The following ASXL3 variants were observed in gnomAD, a reference collection of about 807,000 sequenced individuals.
The protein encoded by ASXL3 is putative Polycomb group protein ASXL3.
In ASXL3, 34 loss-of-function variants were observed where a neutral mutation model predicts 170.6. The observed-to-expected ratio is 0.20, with a 90% CI of 0.15 to 0.27. ASXL3 has a LOEUF of 0.27. Among genes scored for constraint, ASXL3 ranks in the 10% least tolerant of loss-of-function variants. The pLI, the probability that ASXL3 is intolerant of heterozygous loss-of-function variation, is 1.00. For missense variants in ASXL3, 2,592 were observed against 2,695.3 expected, an observed-to-expected ratio of 0.96 and a Z score of 0.85; for synonymous variants, 1,002 against 989.1, an observed-to-expected ratio of 1.01 and a Z score of -0.24.
In ASXL3 at chr18:33,749,615, T is replaced by A. The variant is rs1317831879; in HGVS notation, c.*3020T>A. 2 of 152,158 alleles carry A rather than the reference T, an allele frequency of 1.3e-5. No individual in the cohort carries two copies. Among genetic ancestry groups the A allele is most frequent in the South Asian group, 2.1e-4 (1 of 4,826 alleles). 9.4% of individuals were successfully genotyped at this position (152,158 alleles called of 1,614,324 possible). A position where few individuals can be genotyped will look rare whatever the true frequency, so the allele number is the denominator to read the frequency against. On this transcript the variant is annotated 3_prime_UTR_variant, in exon 12 of 12. Coordinates refer to ENST00000269197, the MANE Select transcript of ASXL3 (RefSeq NM_030632.3). ...GTTAATAAGAGCATTGTGATGCAAA[T>A]TCATTTTCAAAATGAAAATAATTTT...
In ASXL3 at chr18:33,744,087, C is replaced by T. The variant is rs149577667; in HGVS notation, c.4239C>T (p.Val1413=). 14,812 of 1,614,024 alleles carry T rather than the reference C, an allele frequency of 9.2e-3. 90 individuals are homozygous for T. The highest frequency in any genetic ancestry group is 0.014 in the Middle Eastern group (87 of 6,062). The change falls in exon 12 of 12, where the codon GTC becomes GTT. Residue 1413 remains valine (V), a synonymous_variant. Transcript: ENST00000269197. ...VTDSLVAHPT[V]AMFTGNMLTI... ...ACTCTCTGGTTGCACACCCGACCGT[C>T]GCAATGTTTACTGGAAACATGCTGA...
chr18:33,615,586 A>G (rs995716776), intron 2 of ASXL3, among the ~76,000 whole-genome samples: 5 of 152,194 alleles, frequency 3.3e-5, no homozygotes, highest in African/African-American at 1.2e-4. Context: ...CAAACTTGCA[A>G]TTTGTAAAAA....
At chr18:33,700,044 G>A (rs1943847384) in intron 8 of ASXL3, among the ~76,000 whole-genome samples, 1 of 152,072 alleles carries the variant, frequency 6.6e-6, no homozygotes, top group Non-Finnish European at 1.5e-5. Context: ...GAAGAAAGAA[G>A]TTGAGAATGC....
intron 8 of ASXL3, among the ~76,000 whole-genome samples, chr18:33,725,122 T>A (rs954332957): frequency 6.6e-6 from 1 of 152,124 alleles, no homozygotes; most frequent in Non-Finnish European, 1.5e-5. Context: ...ACTGGGTGCT[T>A]GATCATGCAG....
chr18:33,723,429 G>A (rs2067295402), intron 8 of ASXL3, among the ~76,000 whole-genome samples: 1 of 152,180 alleles, frequency 6.6e-6, no homozygotes, highest in Non-Finnish European at 1.5e-5. Flanking sequence ...CAAGACTTCA[G>A]TGGAGGAAGT....
intron 7 of ASXL3, among the ~76,000 whole-genome samples, chr18:33,678,167 A>G (rs879778180): frequency 1.3e-5 from 2 of 152,022 alleles, no homozygotes; most frequent in East Asian, 3.9e-4. Flanking sequence ...GCCTCAAACA[A>G]TCCTCCCACC....
chr18:33,746,599 C>T lies in ASXL3; in HGVS notation c.*4C>T, dbSNP rs1214917903. ...AGCATGCCTGGTTGTACGATAAGAG[C>T]TGAGTGAAAGATGCAGTATCCCTTT... is the stretch of plus-strand genomic sequence containing the variant. On this transcript the variant is annotated 3_prime_UTR_variant, in exon 12 of 12. Coordinates refer to ENST00000269197, the MANE Select transcript of ASXL3 (RefSeq NM_030632.3). 6.4e-6 allele frequency: 10 copies of T among 1,569,218 alleles called. No individual in the cohort carries two copies. The highest frequency in any genetic ancestry group is 8.6e-6 in the Non-Finnish European group (10 of 1,157,262).
chr18:33,656,913 T>C (rs1441663499), intron 4 of ASXL3, among the ~76,000 whole-genome samples: 1 of 152,152 alleles, frequency 6.6e-6, no homozygotes, highest in African/African-American at 2.4e-5. Context: ...GAAAGTTAAC[T>C]TCAAAAATAC....
At position 33,672,165 on chromosome 18, in the gene ASXL3, G is replaced by A. The variant is rs1941696; in HGVS notation, c.715+299G>A. Among the ~76,000 whole-genome samples, 82,546 of 151,912 alleles carry A rather than the reference G, an allele frequency of 0.54. 22,962 individuals are homozygous for A. The highest frequency in any genetic ancestry group is 0.89 in the East Asian group (4,604 of 5,168). The stretch of plus-strand genomic sequence containing the variant: ...CGGGTCATGATACTATCTAATGTGC[G>A]GTGTTTTGTCTGTGCAACTAGGTTT... On this transcript the variant is annotated intron_variant, in intron 7 of 11. Coordinates refer to ENST00000269197, the MANE Select transcript of ASXL3 (RefSeq NM_030632.3).
intron 9 of ASXL3, among the ~76,000 whole-genome samples, chr18:33,732,958 C>A (rs1350727451): frequency 6.6e-6 from 1 of 151,510 alleles, no homozygotes; most frequent in Non-Finnish European, 1.5e-5. Flanking sequence ...TTTGTTTTTT[C>A]ACCCCATCCG....
intron 4 of ASXL3, among the ~76,000 whole-genome samples, chr18:33,646,884 G>GGT (rs1555725511): frequency 1.4e-5 from 2 of 148,132 alleles, no homozygotes; most frequent in African/African-American, 5.0e-5. Flanking sequence ...GGGGAGCGGG[G>GGT]GGGGGGGGCA....
At chr18:33,640,794 T>A (rs1482257542) in intron 2 of ASXL3, among the ~76,000 whole-genome samples, 1 of 152,042 alleles carries the variant, frequency 6.6e-6, no homozygotes, top group Non-Finnish European at 1.5e-5. Context: ...TATTAATTTA[T>A]ATTAATAGCA....
intron 8 of ASXL3, among the ~76,000 whole-genome samples, chr18:33,713,820 T>C (rs1214234665): frequency 6.6e-6 from 1 of 152,222 alleles, no homozygotes; most frequent in African/African-American, 2.4e-5. Context: ...TAATTTTCCG[T>C]GAACAACCGT....
intron 7 of ASXL3, among the ~76,000 whole-genome samples, chr18:33,673,869 A>G (rs2066386489): frequency 1.3e-5 from 2 of 152,214 alleles, no homozygotes; most frequent in Non-Finnish European, 2.9e-5. Context: ...TTAGCAAATT[A>G]AAAGATAATG....
intron 2 of ASXL3, among the ~76,000 whole-genome samples, chr18:33,631,512 A>G (rs557997644): frequency 8.5e-5 from 13 of 152,246 alleles, no homozygotes; most frequent in African/African-American, 2.4e-4. Context: ...AATAACCCAT[A>G]TCTCATGAAT....
At position 33,742,871 on chromosome 18, in the gene ASXL3, T is replaced by C; in HGVS notation, c.3040-17T>C. On this transcript the variant is annotated splice_polypyrimidine_tract_variant and intron_variant, in intron 11 of 11. Coordinates refer to ENST00000269197, the MANE Select transcript of ASXL3 (RefSeq NM_030632.3). The stretch of plus-strand genomic sequence containing the variant: ...TGTATGAAGCACATTATATTTTTTT[T>C]TCTGTCCTCCTTTTAGATTCAGCTT... The C allele has an allele frequency of 6.4e-7, 1 of 1,571,852 alleles. No homozygotes were observed. Among genetic ancestry groups the C allele is most frequent in the East Asian group, 2.2e-5 (1 of 44,460 alleles).
intron 8 of ASXL3, among the ~76,000 whole-genome samples, chr18:33,709,294 T>C (rs1198781098): frequency 6.8e-6 from 1 of 147,856 alleles, no homozygotes; most frequent in Non-Finnish European, 1.5e-5. Flanking sequence ...ATCATTGATA[T>C]GTTTACCAAA....
chr18:33,701,148 A>G (rs1344248530), intron 8 of ASXL3, among the ~76,000 whole-genome samples: 1 of 152,008 alleles, frequency 6.6e-6, no homozygotes, highest in South Asian at 2.1e-4. Flanking sequence ...CCCTACATTA[A>G]TAATATATGA....
rs878853168 is a variant in ASXL3, at chr18:33,746,488, T to C, written c.6640T>C (p.Ser2214Pro). The change falls in exon 12 of 12, where the codon TCT (serine) becomes CCT (proline). Residue 2214 changes from serine to proline, a missense_variant. By Grantham distance (74) the Ser-to-Pro change is moderately conservative. Around this residue, in one of 4 missense-constraint regions of ASXL3, gnomAD observed 22 missense variants for 51.1 expected, o/e 0.43. Coordinates refer to ENST00000269197, the MANE Select transcript of ASXL3 (RefSeq NM_030632.3). ...TGCAGATGAATTGGAACTGAAATGC[T>C]CTTGCCGGCTGAAAGCCATGATTGT... ...SNADELELKC[S>P]CRLKAMIVCK... The C allele has an allele frequency of 1.2e-6, 2 of 1,614,028 alleles. No homozygotes were observed. The highest frequency in any genetic ancestry group is 1.7e-6 in the Non-Finnish European group (2 of 1,179,890).
Sources: gnomAD v4.1 joint callset for allele counts (sites outside exome capture counted in the v4.1 genomes callset) on GRCh38, gnomAD v4.1.1 for gene constraint, gnomAD v4.1.1 regional missense constraint, MANE v1.5 for transcripts, NCBI Gene and HGNC (gene_info 2026-07-23, HGNC 2026-07-21) for gene names.